KRT84: variants seen among roughly 807,000 people sequenced by gnomAD.
The protein encoded by KRT84 is keratin 84, also known as keratin, type II cuticular Hb4.
In KRT84, 38 loss-of-function variants were observed where a neutral mutation model predicts 49.0. The ratio of observed to expected loss-of-function variants is 0.78; its 90% CI spans 0.60 to 1.02. The LOEUF is 1.02. Among genes scored for constraint, KRT84 ranks in the 50% least tolerant of loss-of-function variants. The pLI is 0.00. For synonymous variants in KRT84, 334 were observed against 312.8 expected, an observed-to-expected ratio of 1.07 and a Z score of -0.72; for missense variants, 860 against 788.6, an observed-to-expected ratio of 1.09 and a Z score of -1.08.
Position 52,383,808 on chromosome 12 carries a change from C to T in KRT84, c.547-10G>A. On this transcript the variant is annotated splice_polypyrimidine_tract_variant and intron_variant, in intron 1 of 8. Transcript: ENST00000257951. ...GCTCTAGGAACCGAACCTAAATCCA[C>T]AGGGCACAGAAATGGCATTTGAAGT... is the stretch of plus-strand genomic sequence containing the variant. 6.2e-7 allele frequency: 1 copy of T among 1,608,656 alleles called. No individual in the cohort carries two copies. Among genetic ancestry groups the T allele is most frequent in the Non-Finnish European group, 8.5e-7 (1 of 1,176,366 alleles).
intron 6 of KRT84, 43 bp downstream of exon 6, chr12:52,381,037 G>T (rs762492975): frequency 3.7e-6 from 6 of 1,604,862 alleles, no homozygotes; most frequent in Non-Finnish European, 4.3e-6. Flanking sequence ...CTGAGGCCCT[G>T]GTTCTCCCTC....
upstream of KRT84, among the ~76,000 whole-genome samples, chr12:52,386,863 T>C (rs1365115184): frequency 6.6e-6 from 1 of 152,214 alleles, no homozygotes; most frequent in Non-Finnish European, 1.5e-5. Context: ...GGGGAACTCA[T>C]GTTTGACTGG....
At chr12:52,384,557 T>C (rs1412303334) in intron 1 of KRT84, among the ~76,000 whole-genome samples, 2 of 152,234 alleles carry the variant, frequency 1.3e-5, no homozygotes, top group Non-Finnish European at 1.5e-5. Flanking sequence ...CTTTTTTTAA[T>C]TACTCAACTC....
rs192588570 is a variant in KRT84 at position 52,383,810 on chromosome 12, G to C, written c.547-12C>G. 1 of 1,608,074 alleles carries C rather than the reference G, an allele frequency of 6.2e-7. No individual in the cohort carries two copies. Among genetic ancestry groups the C allele is most frequent in the Non-Finnish European group, 8.5e-7 (1 of 1,176,074 alleles). On this transcript the variant is annotated splice_polypyrimidine_tract_variant and intron_variant, in intron 1 of 8. Transcript: ENST00000257951. ...TCTAGGAACCGAACCTAAATCCACA[G>C]GGCACAGAAATGGCATTTGAAGTGC... is the stretch of plus-strand genomic sequence containing the variant.
In KRT84 at chr12:52,385,114, C is replaced by A. The variant is rs763656243; in HGVS notation, c.472G>T (p.Ala158Ser). Residue 158 changes from alanine to serine, a missense_variant, in exon 1 of 9, where the codon GCC becomes TCC. Ala to Ser is a moderately conservative substitution (Grantham distance 99, BLOSUM62 1). Transcript: ENST00000257951. The part of the protein sequence containing the change: ...TPLNLEIDPN[A>S]QRVKKDEKEQ... ...TTCTCATCCTTCTTCACCCTCTGGG[C>A]ATTGGGGTCAATCTCCAGGTTGAGG... 6.9e-6 allele frequency: 11 copies of A among 1,600,084 alleles called. No individual in the cohort carries two copies. The highest frequency in any genetic ancestry group is 8.5e-6 in the Non-Finnish European group (10 of 1,173,442).
intron 4 of KRT84, among the ~76,000 whole-genome samples, chr12:52,382,002 C>T (rs1221355261): frequency 1.3e-5 from 2 of 152,208 alleles, no homozygotes; most frequent in Non-Finnish European, 1.5e-5. Flanking sequence ...CTTTCCTCAG[C>T]CTCTTCACTT....
intron 4 of KRT84, 135 bp from the exon 5 acceptor site, chr12:52,381,660 T>A: frequency 1.2e-6 from 1 of 830,178 alleles, no homozygotes; most frequent in Non-Finnish European, 1.9e-6. Context: ...CAAGACCATC[T>A]AAATTGATGA....
chr12:52,384,436 A>G (rs7300447), intron 1 of KRT84, among the ~76,000 whole-genome samples: 8,040 of 151,996 alleles, frequency 0.053, 656 homozygotes, highest in African/African-American at 0.17. Context: ...CACTGTTCCC[A>G]CTCATCTGCC....
intron 3 of KRT84, 84 bp from the exon 4 acceptor site, chr12:52,382,616 G>T: frequency 9.2e-7 from 1 of 1,081,978 alleles, no homozygotes; most frequent in Non-Finnish European, 1.4e-6. Context: ...GGTGCAAAGA[G>T]GCAGCCACTT....
upstream of KRT84, chr12:52,385,756 G>A (rs908311164): frequency 7.9e-5 from 52 of 659,082 alleles, no homozygotes; most frequent in Middle Eastern, 4.1e-4. Flanking sequence ...AGCTTGGGTA[G>A]TTAGCAGAAA....
Position 52,381,485 on chromosome 12 carries a change from A to G in KRT84, c.953T>C (p.Val318Ala). 6.2e-7 allele frequency: 1 copy of G among 1,614,074 alleles called. No individual in the cohort carries two copies. Among genetic ancestry groups the G allele is most frequent in the Non-Finnish European group, 8.5e-7 (1 of 1,180,026 alleles). ...LLQSHISETSVIVKMDNSRDL... is the reference protein window; with the variant it reads ...LLQSHISETSAIVKMDNSRDL... ...ACGGCTGTTGTCCATCTTCACAATG[A>G]CCGACGTCTCTGAGATGTGCGACTG... Residue 318 changes from valine to alanine, a missense_variant, in exon 5 of 9, where the codon GTC becomes GCC. By Grantham distance (64) the Val-to-Ala change is moderately conservative. Transcript: ENST00000257951.
rs748358930 is a variant in KRT84, at chr12:52,381,384, C to T, written c.1054G>A (p.Ala352Thr). Residue 352 changes from alanine (A) to threonine (T), a missense_variant, in exon 5 of 9, where the codon GCT (alanine) becomes ACT (threonine). Coordinates refer to ENST00000257951, the MANE Select transcript of KRT84 (RefSeq NM_033045.4). ...ACCTTGGTCTGGTACCAGGCCTCAG[C>T]ATCAGCCCGGCTGCGCCTGGCCACC... ...EEVARRSRADAEAWYQTKYEE... is the reference protein window; with the variant it reads ...EEVARRSRADTEAWYQTKYEE... 1.2e-6 allele frequency: 2 copies of T among 1,614,224 alleles called. No individual in the cohort carries two copies. The highest frequency in any genetic ancestry group is 1.3e-5 in the African/African-American group (1 of 75,064).
At position 52,381,423 on chromosome 12, in the gene KRT84, C is replaced by T. The variant is rs867590669; in HGVS notation, c.1015G>A (p.Ala339Thr). ...NLDGIIAEVK[A>T]QYEEVARRSR... is the part of the protein sequence containing the mutation. Reference sequence around the variant, plus strand: ...CGCCTGGCCACCTCCTCATACTGGGCCTTGACCTCAGCAATGATCCCATCA... The same window carrying T: ...CGCCTGGCCACCTCCTCATACTGGGTCTTGACCTCAGCAATGATCCCATCA... Residue 339 changes from alanine (A) to threonine (T), a missense_variant, in exon 5 of 9, where the codon GCC (alanine) becomes ACC (threonine). Ala to Thr is a moderately conservative substitution (Grantham distance 58). Transcript: ENST00000257951. The T allele has an allele frequency of 1.9e-5, 30 of 1,614,202 alleles. 1 individual carries two copies. The Middle Eastern group carries it at 3.1e-3, about 169-fold the overall frequency.
chr12:52,383,435 G>A (rs1449622450), intron 2 of KRT84, among the ~76,000 whole-genome samples, 155 bp downstream of exon 2: 1 of 152,128 alleles, frequency 6.6e-6, no homozygotes, highest in Admixed American at 6.5e-5. Flanking sequence ...CCTCTTCTCT[G>A]TTCACATATC....
chr12:52,380,029 T>A, intron 7 of KRT84, 122 bp from the exon 8 acceptor site: 1 of 837,054 alleles, frequency 1.2e-6, no homozygotes, highest in Non-Finnish European at 2.0e-6. Flanking sequence ...CCCCTGGTTA[T>A]ACACACATCT....
intron 8 of KRT84, 59 bp from the exon 9 acceptor site, chr12:52,378,439 T>G: frequency 7.5e-7 from 1 of 1,338,350 alleles, no homozygotes; most frequent in Non-Finnish European, 9.8e-7. Flanking sequence ...ACCTCCATGC[T>G]ACCCCTGGGC....
Position 52,380,555 on chromosome 12 carries a change from T to C in KRT84, c.1232A>G (p.Glu411Gly). The C allele has an allele frequency of 1.2e-6, 2 of 1,613,364 alleles. No individual in the cohort carries two copies. The highest frequency in any genetic ancestry group is 1.7e-6 in the Non-Finnish European group (2 of 1,179,674). ...GGTCGCCTCGCCCTGCTGCTCGGCC[T>C]CGGCCACTGCAGCCTCCAACTTGGC... ...QRAKLEAAVA[E>G]AEQQGEATLS... Residue 411 changes from glutamate (E) to glycine (G), a missense_variant, in exon 7 of 9, where the codon GAG (glutamate) becomes GGG (glycine). Glu to Gly is a moderately conservative substitution (Grantham distance 98). Coordinates refer to ENST00000257951, the MANE Select transcript of KRT84 (RefSeq NM_033045.4).
At chr12:52,378,663 T>C (rs182147065) in intron 8 of KRT84, among the ~76,000 whole-genome samples, 1,622 of 152,364 alleles carry the variant, frequency 0.011, 11 homozygotes, top group Non-Finnish European at 0.016. Context: ...GTCATTTATA[T>C]ACGGCTAAAG....
chr12:52,380,359 T>A lies in KRT84; in HGVS notation c.1424+4A>T. 1 of 1,613,780 alleles carries A rather than the reference T, an allele frequency of 6.2e-7. No individual in the cohort carries two copies. The highest frequency in any genetic ancestry group is 8.5e-7 in the Non-Finnish European group (1 of 1,180,018). On this transcript the variant is annotated splice_donor_region_variant and intron_variant, in intron 7 of 8. Transcript: ENST00000257951. Reference sequence around the variant, plus strand: ...CACTCTCCTGCTGGACTGAGAGTACTCACCGGCTCTCCTCGCCCTCCAGCA... The same window carrying A: ...CACTCTCCTGCTGGACTGAGAGTACACACCGGCTCTCCTCGCCCTCCAGCA...
Sources: allele counts gnomAD v4.1 joint callset (sites outside exome capture counted in the v4.1 genomes callset), GRCh38; gene constraint gnomAD v4.1.1; transcripts MANE v1.5; gene names NCBI Gene and HGNC (gene_info 2026-07-23, HGNC 2026-07-21).